Variants in PDZRN3 observed in about 807,000 individuals in gnomAD.
PDZRN3 encodes the protein E3 ubiquitin-protein ligase PDZRN3.
A neutral mutation model predicts 85.7 loss-of-function variants in PDZRN3; 38 were observed. The ratio of observed to expected loss-of-function variants is 0.44; its 90% CI spans 0.34 to 0.58. The LOEUF (loss-of-function observed/expected upper bound fraction) is 0.58. PDZRN3 is among the 20% of genes least tolerant of loss of function. The pLI is 0.01. For synonymous variants in PDZRN3, 759 were observed against 638.0 expected, an observed-to-expected ratio of 1.19 and a Z score of -2.86; for missense variants, 1,629 against 1,506.4, an observed-to-expected ratio of 1.08 and a Z score of -1.35.
At chr3:73,541,993 C>A (rs905411850) in intron 3 of PDZRN3, among the ~76,000 whole-genome samples, 1 of 152,062 alleles carries the variant, frequency 6.6e-6, no homozygotes, top group Non-Finnish European at 1.5e-5. Flanking sequence ...ATATTCTAGA[C>A]CCCGAGCTAC....
intron 3 of PDZRN3, among the ~76,000 whole-genome samples, chr3:73,574,180 G>C (rs967496027): frequency 3.9e-5 from 6 of 152,122 alleles, no homozygotes; most frequent in Non-Finnish European, 8.8e-5. Flanking sequence ...GCCTACAAAG[G>C]GAAAAAATGT....
intron 3 of PDZRN3, among the ~76,000 whole-genome samples, chr3:73,599,080 C>T (rs533487921): frequency 6.6e-6 from 1 of 152,296 alleles, no homozygotes; most frequent in Admixed American, 6.5e-5. Flanking sequence ...TGAGCATAGA[C>T]CTAGCTCTGT....
At chr3:73,412,240 G>T (rs1701988871) in intron 3 of PDZRN3, among the ~76,000 whole-genome samples, 1 of 152,174 alleles carries the variant, frequency 6.6e-6, no homozygotes, top group African/African-American at 2.4e-5. Flanking sequence ...CTTTATGAAG[G>T]CCGCTTTATT....
chr3:73,623,161 C>T (rs1166653458), intron 1 of PDZRN3, among the ~76,000 whole-genome samples: 1 of 152,192 alleles, frequency 6.6e-6, no homozygotes, highest in Non-Finnish European at 1.5e-5. Context: ...CTAGGTAACA[C>T]TTGTTGAGCA....
intron 2 of PDZRN3, among the ~76,000 whole-genome samples, chr3:73,605,949 T>TA (rs1702594053): frequency 6.6e-6 from 1 of 152,354 alleles, no homozygotes; most frequent in Non-Finnish European, 1.5e-5. Context: ...GAAAATAACT[T>TA]AGACATGCTC....
In PDZRN3 at chr3:73,401,070, C is replaced by T. The variant is rs1314410566; in HGVS notation, c.1167-61G>A. On this transcript the variant is annotated intron_variant, in intron 4 of 9. Transcript: ENST00000263666. ...CCGTTGTCAGTATCTGTTTTTCTTA[C>T]ACCCATTGTCAGGCCAGTGGCACAG... 9 of 1,250,498 alleles carry T rather than the reference C, an allele frequency of 7.2e-6. No homozygotes were observed. The South Asian group carries it at 8.4e-5, about 12-fold the overall frequency. 77.5% of individuals were successfully genotyped at this position (1,250,498 alleles called of 1,614,324 possible).
intron 2 of PDZRN3, among the ~76,000 whole-genome samples, chr3:73,607,314 G>A (rs1702615989): frequency 6.6e-6 from 1 of 152,132 alleles, no homozygotes; most frequent in Non-Finnish European, 1.5e-5. Context: ...TTGGTACTGT[G>A]TACACATTAT....
In PDZRN3 at chr3:73,389,887, C is replaced by A; in HGVS notation, c.1354-9G>T. The A allele has an allele frequency of 6.2e-7, 1 of 1,610,038 alleles. No homozygotes were observed. The highest frequency in any genetic ancestry group is 2.2e-5 in the East Asian group (1 of 44,862). ...ATGCTGTTAGGGTCAATCTGAAACA[C>A]ACATGGACCATCTCAGCGCAAACGC... is the stretch of plus-strand genomic sequence containing the variant. On this transcript the variant is annotated splice_polypyrimidine_tract_variant and intron_variant, in intron 6 of 9. Coordinates refer to ENST00000263666, the MANE Select transcript of PDZRN3 (RefSeq NM_015009.3).
chr3:73,498,192 T>G (rs1347579254), intron 3 of PDZRN3, among the ~76,000 whole-genome samples: 1 of 152,182 alleles, frequency 6.6e-6, no homozygotes, highest in Non-Finnish European at 1.5e-5. Flanking sequence ...TTGAAAATAC[T>G]TCCCAGACCC....
At chr3:73,536,100 A>G (rs1704779312) in intron 3 of PDZRN3, among the ~76,000 whole-genome samples, 3 of 152,224 alleles carry the variant, frequency 2.0e-5, no homozygotes, top group Admixed American at 2.0e-4. Context: ...TTAGAATGTA[A>G]CCTTTGCTCA....
intron 3 of PDZRN3, among the ~76,000 whole-genome samples, chr3:73,407,080 G>A (rs1274022496): frequency 6.6e-6 from 1 of 152,188 alleles, no homozygotes; most frequent in African/African-American, 2.4e-5. Flanking sequence ...TATCATGGTG[G>A]TCTTGGTCCT....
chr3:73,539,286 A>G (rs1704859151), intron 3 of PDZRN3, among the ~76,000 whole-genome samples: 1 of 152,224 alleles, frequency 6.6e-6, no homozygotes, highest in South Asian at 2.1e-4. Flanking sequence ...TCACCTTGAG[A>G]TAGTTTCAAT....
chr3:73,439,519 A>C (rs6549540), intron 3 of PDZRN3, among the ~76,000 whole-genome samples: 17,366 of 152,118 alleles, frequency 0.11, 3,142 homozygotes, highest in African/African-American at 0.39. Flanking sequence ...AGCTTGTCTG[A>C]ACCCTATTTA....
chr3:73,469,284 G>A lies in PDZRN3; in HGVS notation c.919-64889C>T, dbSNP rs182372476. ...AACAAGGTTTCACCATGTTGGCCAGGCCGGTCTTGAACTCCTGACCTCGTG... is the reference window on the plus strand; with the variant it reads ...AACAAGGTTTCACCATGTTGGCCAGACCGGTCTTGAACTCCTGACCTCGTG... On this transcript the variant is annotated intron_variant, in intron 3 of 9. Coordinates refer to ENST00000263666, the MANE Select transcript of PDZRN3 (RefSeq NM_015009.3). Among the ~76,000 whole-genome samples, 107 of 152,226 alleles carry A rather than the reference G, an allele frequency of 7.0e-4. 1 individual carries two copies. Among genetic ancestry groups the A allele is most frequent in the Admixed American group, 3.1e-3 (47 of 15,298 alleles).
chr3:73,436,182 A>G (rs1702527723), intron 3 of PDZRN3, among the ~76,000 whole-genome samples: 1 of 152,172 alleles, frequency 6.6e-6, no homozygotes, highest in Admixed American at 6.5e-5. Flanking sequence ...TTTCCTTTGC[A>G]TCGCTTTCCA....
At chr3:73,488,599 T>G (rs1295209859) in intron 3 of PDZRN3, among the ~76,000 whole-genome samples, 1 of 152,188 alleles carries the variant, frequency 6.6e-6, no homozygotes, top group Non-Finnish European at 1.5e-5. Flanking sequence ...TTCTCGGCCT[T>G]TCTTTGTCCT....
At chr3:73,576,178 A>G (rs1575746958) in intron 3 of PDZRN3, among the ~76,000 whole-genome samples, 1 of 151,888 alleles carries the variant, frequency 6.6e-6, no homozygotes, top group Non-Finnish European at 1.5e-5. Context: ...TCTTTCCTTT[A>G]CCCTCCACTA....
At chr3:73,573,062 T>C (rs190766002) in intron 3 of PDZRN3, among the ~76,000 whole-genome samples, 2 of 152,314 alleles carry the variant, frequency 1.3e-5, no homozygotes, top group Admixed American at 1.3e-4. Context: ...TGGTTGTTGA[T>C]AGTTGACTGG....
rs938974235 is a variant in PDZRN3 at position 73,383,187 on chromosome 3, T to C, written c.*178A>G. 1.8e-6 allele frequency: 1 copy of C among 551,438 alleles called. No individual in the cohort carries two copies. The highest frequency in any genetic ancestry group is 1.9e-5 in the African/African-American group (1 of 53,032). 34.2% of individuals were successfully genotyped at this position (551,438 alleles called of 1,614,324 possible). A position where few individuals can be genotyped will look rare whatever the true frequency, so the allele number is the denominator to read the frequency against. The stretch of plus-strand genomic sequence containing the variant: ...CCTTCCAAGATAGTAAGGGTGTTTT[T>C]CTCTCTCTTCCCTTAAAATAGACCT... On this transcript the variant is annotated 3_prime_UTR_variant, in exon 10 of 10. Coordinates refer to ENST00000263666, the MANE Select transcript of PDZRN3 (RefSeq NM_015009.3).
Sources: allele counts gnomAD v4.1 joint callset (sites outside exome capture counted in the v4.1 genomes callset), GRCh38; gene constraint gnomAD v4.1.1; transcripts MANE v1.5; gene names NCBI Gene and HGNC (gene_info 2026-07-23, HGNC 2026-07-21).